CCR6: variants seen among roughly 807,000 people sequenced by gnomAD.
CCR6 encodes the protein C-C chemokine receptor type 6.
In CCR6, 2 loss-of-function variants were observed where a neutral mutation model predicts 3.0. That is an observed-to-expected ratio of 0.66 (90% CI 0.27 to 2.07). The LOEUF (loss-of-function observed/expected upper bound fraction) is 2.07. Ranked by LOEUF, CCR6 falls within the 30% of genes most tolerant of loss-of-function variation. CCR6 has a pLI of 0.14. For missense variants in CCR6, 322 were observed against 462.8 expected (o/e 0.70, Z 2.79); for synonymous variants, 193 against 184.3 (o/e 1.05, Z -0.38).
At position 167,124,341 on chromosome 6, in the gene CCR6, C is replaced by A. The variant is rs910213658; in HGVS notation, c.-98+1118C>A. On this transcript the variant is annotated intron_variant, in intron 1 of 2. Transcript: ENST00000341935. ...GAAAACAAAAAAAAAATCAAACCTC[C>A]TGGTCTCCTCCTTAGCCACTCTCAT... Among the ~76,000 whole-genome samples the A allele has an allele frequency of 1.4e-4, 21 of 151,528 alleles. No individual in the cohort carries two copies. In the East Asian group the frequency reaches 3.7e-3, roughly 27 times the overall value.
At chr6:167,113,756 C>CAACAAA (rs1781449068) in intron 1 of CCR6, among the ~76,000 whole-genome samples, 1 of 152,192 alleles carries the variant, frequency 6.6e-6, no homozygotes, top group African/African-American at 2.4e-5. Flanking sequence ...GTTGGTTGGA[C>CAACAAA]ATTGCTGTGT....
intron 1 of CCR6, among the ~76,000 whole-genome samples, chr6:167,130,977 C>CT (rs1562559609): frequency 0.053 from 6,916 of 131,312 alleles, 866 homozygotes; most frequent in African/African-American, 0.098. Context: ...TCTGGGACCA[C>CT]CCTCCCTCTG....
chr6:167,126,496 C>T (rs548271317), intron 1 of CCR6: 82 of 152,378 alleles, frequency 5.4e-4, no homozygotes, highest in African/African-American at 1.9e-3. Context: ...TGGTGGCACC[C>T]CTTGCCACAT....
intron 1 of CCR6, among the ~76,000 whole-genome samples, chr6:167,124,614 G>A (rs1353918479): frequency 6.6e-6 from 1 of 152,146 alleles, no homozygotes; most frequent in East Asian, 1.9e-4. Context: ...TTAGAACGGC[G>A]AGTAAGAGAC....
intron 1 of CCR6, among the ~76,000 whole-genome samples, chr6:167,116,569 G>A (rs1249239859): frequency 6.6e-6 from 1 of 152,208 alleles, no homozygotes; most frequent in African/African-American, 2.4e-5. Flanking sequence ...CTTCAACTGA[G>A]AGTAGAGCTG....
In CCR6 at chr6:167,137,432, A is replaced by G; in HGVS notation, c.*77A>G. ...TGCAAAAAAAAGTCTATGGCCAGGT[A>G]TGCATGGAAAATGTGGGAATTAAGC... On this transcript the variant is annotated 3_prime_UTR_variant, in exon 3 of 3. Coordinates refer to ENST00000341935, the MANE Select transcript of CCR6 (RefSeq NM_031409.4). The surrounding 1 kb of genome is among the most constrained non-coding windows in gnomAD (Gnocchi z 4.6). 7.0e-7 allele frequency: 1 copy of G among 1,421,228 alleles called. No homozygotes were observed. The highest frequency in any genetic ancestry group is 9.5e-7 in the Non-Finnish European group (1 of 1,052,016). The allele number at this position is 1,421,228 out of a possible 1,614,324, so 88.0% of individuals were successfully genotyped here. A position where few individuals can be genotyped will look rare whatever the true frequency, so the allele number is the denominator to read the frequency against.
chr6:167,112,422 C>T (rs73023509), intron 1 of CCR6, among the ~76,000 whole-genome samples: 1,678 of 152,222 alleles, frequency 0.011, 12 homozygotes, highest in South Asian at 0.032. Flanking sequence ...ATCTGCAAGT[C>T]GCTTTTGACT....
Position 167,137,686 on chromosome 6 carries a change from G to A in CCR6, c.*331G>A, listed in dbSNP as rs941943040. On this transcript the variant is annotated 3_prime_UTR_variant, in exon 3 of 3. Coordinates refer to ENST00000341935, the MANE Select transcript of CCR6 (RefSeq NM_031409.4). This position sits in a 1 kb window ranked among gnomAD's most constrained non-coding sequence, Gnocchi z 4.6. ...ACATTTTCAGAAATATTCATGAAGC[G>A]GTCACAGATCACAGTGTCTTTTGGT... 2.5e-5 allele frequency: 5 copies of A among 198,816 alleles called. No individual in the cohort carries two copies. Among genetic ancestry groups the A allele is most frequent in the African/African-American group, 7.0e-5 (3 of 43,068 alleles). 12.3% of individuals were successfully genotyped at this position (198,816 alleles called of 1,614,324 possible). A position where few individuals can be genotyped will look rare whatever the true frequency, so the allele number is the denominator to read the frequency against.
At chr6:167,131,126 G>A (rs1781757294) in intron 1 of CCR6, 1 of 152,190 alleles carries the variant, frequency 6.6e-6, no homozygotes, top group Non-Finnish European at 1.5e-5. Flanking sequence ...TTCACCAAGA[G>A]TTACTCACTT....
chr6:167,113,748 T>C (rs1001057082), intron 1 of CCR6, among the ~76,000 whole-genome samples: 3 of 152,224 alleles, frequency 2.0e-5, no homozygotes, highest in African/African-American at 7.2e-5. Context: ...ACCAAAATGT[T>C]GGTTGGACAT....
rs950265536 is a variant in CCR6 at position 167,136,537 on chromosome 6, G to A, written c.307G>A (p.Ala103Thr). ...CTTTGTTCTTACTCTCCCATTCTGG[G>A]CAGTGAGTCATGCCACCGGTGCGTG... ...ILFVLTLPFWAVSHATGAWVF... is the reference protein window; with the variant it reads ...ILFVLTLPFWTVSHATGAWVF... Residue 103 changes from alanine (A) to threonine (T), a missense_variant, in exon 3 of 3, where the codon GCA (alanine) becomes ACA (threonine). By Grantham distance (58) the Ala-to-Thr change is moderately conservative. Coordinates refer to ENST00000341935, the MANE Select transcript of CCR6 (RefSeq NM_031409.4). This position sits in a 1 kb window ranked among gnomAD's most constrained non-coding sequence, Gnocchi z 4.6. 1.3e-6 allele frequency: 2 copies of A among 1,594,620 alleles called. No individual in the cohort carries two copies. The highest frequency in any genetic ancestry group is 2.2e-5 in the East Asian group (1 of 44,720).
chr6:167,137,010 G>A lies in CCR6; in HGVS notation c.780G>A (p.Val260=). ...HKAIRVIIAV[V]LVFLACQIPH... is the part of the protein sequence containing the mutation. Reference sequence around the variant, plus strand: ...CCATCCGTGTAATCATAGCTGTGGTGCTTGTGTTTCTGGCTTGTCAGATTC... The same window carrying A: ...CCATCCGTGTAATCATAGCTGTGGTACTTGTGTTTCTGGCTTGTCAGATTC... The change falls in exon 3 of 3, where the codon GTG becomes GTA. Residue 260 remains valine, a synonymous_variant. Coordinates refer to ENST00000341935, the MANE Select transcript of CCR6 (RefSeq NM_031409.4). The surrounding 1 kb of genome is among the most constrained non-coding windows in gnomAD (Gnocchi z 4.6). The A allele has an allele frequency of 6.2e-7, 1 of 1,614,198 alleles. No individual in the cohort carries two copies. Among genetic ancestry groups the A allele is most frequent in the Non-Finnish European group, 8.5e-7 (1 of 1,180,040 alleles).
chr6:167,113,565 G>A (rs1781446388), intron 1 of CCR6, among the ~76,000 whole-genome samples: 1 of 152,180 alleles, frequency 6.6e-6, no homozygotes, highest in African/African-American at 2.4e-5. Context: ...GAAAGCACAC[G>A]TCCCCAGCGG....
rs41470753 is a variant in CCR6 at position 167,130,930 on chromosome 6, C to T, written c.-97-5108C>T. On this transcript the variant is annotated intron_variant, in intron 1 of 2. Coordinates refer to ENST00000341935, the MANE Select transcript of CCR6 (RefSeq NM_031409.4). Reference sequence around the variant, plus strand: ...TCTGGGCCTCCTTCTCTCAGGGACCCCACCCTCTGGGCCCCCCTCCCTCCG... The same window carrying T: ...TCTGGGCCTCCTTCTCTCAGGGACCTCACCCTCTGGGCCCCCCTCCCTCCG... 8.7e-3 allele frequency among the ~76,000 whole-genome samples: 1,255 copies of T among 144,958 alleles called. 16 individuals carry two copies. The highest frequency in any genetic ancestry group is 0.014 in the South Asian group (66 of 4,700).
chr6:167,130,708 A>T (rs1781739341), intron 1 of CCR6, among the ~76,000 whole-genome samples: 1 of 151,882 alleles, frequency 6.6e-6, no homozygotes, highest in African/African-American at 2.4e-5. Flanking sequence ...CTAGAATTGT[A>T]CATTGTTTAT....
chr6:167,130,992 C>CCCCCCCCTCCGGGACT (rs1562559675), intron 1 of CCR6, among the ~76,000 whole-genome samples: 2 of 118,208 alleles, frequency 1.7e-5, no homozygotes, highest in African/African-American at 3.6e-5. Context: ...CCTCTGGACC[C>CCCCCCCCTCCGGGACT]CCTCCCTTTG....
rs1388937332 is a variant in CCR6, at chr6:167,138,781, T to C, written c.*1426T>C. ...CCCTCTCTACTAAAAATACAAAAAT[T>C]TGCCAGGCGTGGTGGCGGGTGCCTG... On this transcript the variant is annotated 3_prime_UTR_variant, in exon 3 of 3. Transcript: ENST00000341935. 1 of 151,970 alleles carries C rather than the reference T, an allele frequency of 6.6e-6. No homozygotes were observed. The highest frequency in any genetic ancestry group is 1.9e-4 in the East Asian group (1 of 5,194). 9.4% of individuals were successfully genotyped at this position (151,970 alleles called of 1,614,324 possible).
upstream of CCR6, among the ~76,000 whole-genome samples, chr6:167,122,474 C>A (rs969071347): frequency 1.2e-4 from 19 of 152,216 alleles, no homozygotes; most frequent in Admixed American, 2.0e-4. This position sits in a 1 kb window ranked among gnomAD's most constrained non-coding sequence, Gnocchi z 4.2. Flanking sequence ...TAGGTGCCCG[C>A]TTTTGATTGA....
rs767267986 is a variant in CCR6 at position 167,136,680 on chromosome 6, G to T, written c.450G>T (p.Ala150=). 2.5e-6 allele frequency: 4 copies of T among 1,614,036 alleles called. No individual in the cohort carries two copies. Among genetic ancestry groups the T allele is most frequent in the African/African-American group, 1.3e-5 (1 of 74,948 alleles). ...SMDRYIAIVQ[A]TKSFRLRSRT... ...ACCGGTACATCGCCATTGTACAGGC[G>T]ACTAAGTCATTCCGGCTCCGATCCA... The change falls in exon 3 of 3, where the codon GCG becomes GCT. Residue 150 remains alanine, a synonymous_variant. Coordinates refer to ENST00000341935, the MANE Select transcript of CCR6 (RefSeq NM_031409.4). The surrounding 1 kb of genome is among the most constrained non-coding windows in gnomAD (Gnocchi z 4.6).
Sources: allele counts gnomAD v4.1 joint callset (sites outside exome capture counted in the v4.1 genomes callset), GRCh38; gene constraint gnomAD v4.1.1; non-coding constraint Gnocchi (gnomAD v3.1); transcripts MANE v1.5; gene names NCBI Gene and HGNC (gene_info 2026-07-23, HGNC 2026-07-21).